LAMA1: variants seen among roughly 807,000 people sequenced by gnomAD.
The protein encoded by LAMA1 is laminin subunit alpha 1, also known as laminin subunit alpha-1.
In LAMA1, 219 loss-of-function variants were observed where a neutral mutation model predicts 348.7. The observed-to-expected ratio is 0.63, with a 90% CI of 0.56 to 0.70. The LOEUF (loss-of-function observed/expected upper bound fraction) is 0.70. Among genes scored for constraint, LAMA1 ranks in the 30% least tolerant of loss-of-function variants. The probability of loss-of-function intolerance (pLI) is 0.00; values close to 1 mark genes in which losing one functional copy is unlikely to be tolerated. For synonymous variants in LAMA1, 1,487 were observed against 1,491.0 expected (o/e 1.00, Z 0.06); for missense variants, 3,744 against 3,888.0 (o/e 0.96, Z 0.99).
intron 3 of LAMA1, among the ~76,000 whole-genome samples, chr18:7,054,292 T>A (rs2058073128): frequency 6.6e-6 from 1 of 152,230 alleles, no homozygotes; most frequent in African/African-American, 2.4e-5. Flanking sequence ...CATAAGGCTC[T>A]GGACACAACT....
intron 1 of LAMA1, 56 bp downstream of exon 1, chr18:7,117,604 G>T: frequency 6.4e-7 from 1 of 1,559,360 alleles, no homozygotes; most frequent in South Asian, 1.1e-5. Flanking sequence ...GTCCGCGGCC[G>T]CCCCCGCCCG....
chr18:7,024,240 C>T (rs1343556030), intron 18 of LAMA1, 140 bp downstream of exon 18: 2 of 665,310 alleles, frequency 3.0e-6, no homozygotes, highest in South Asian at 1.9e-5. Context: ...ACATGAAATA[C>T]TGATTTTTCT....
At chr18:7,110,296 T>C (rs938299328) in intron 1 of LAMA1, among the ~76,000 whole-genome samples, 4 of 151,990 alleles carry the variant, frequency 2.6e-5, no homozygotes, top group African/African-American at 9.7e-5. Context: ...TCAGGAAGTT[T>C]TTCAAGGAAA....
chr18:6,955,531 T>G, intron 56 of LAMA1, 66 bp from the exon 57 acceptor site: 14 of 1,140,560 alleles, frequency 1.2e-5, no homozygotes, highest in East Asian at 4.9e-5. Flanking sequence ...CACACGCGTG[T>G]TCCGCCATGA....
chr18:7,022,694 C>T (rs967434113), intron 19 of LAMA1, among the ~76,000 whole-genome samples: 8 of 152,266 alleles, frequency 5.3e-5, no homozygotes, highest in South Asian at 4.2e-4. Flanking sequence ...CCATAGGGGT[C>T]GGGCAGTTCT....
chr18:7,086,296 G>A (rs929251228), intron 1 of LAMA1, among the ~76,000 whole-genome samples: 9 of 152,212 alleles, frequency 5.9e-5, no homozygotes, highest in Admixed American at 2.0e-4. Context: ...AGATGTTCTA[G>A]AGCAAGAGAA....
intron 1 of LAMA1, among the ~76,000 whole-genome samples, chr18:7,093,410 G>A (rs931808321): frequency 2.0e-5 from 3 of 151,532 alleles, no homozygotes; most frequent in Non-Finnish European, 4.4e-5. Context: ...AGCCAGACTC[G>A]GTCAAAAAAA....
rs2144002106 is a variant in LAMA1, at chr18:6,959,333, G to A, written c.7778+8C>T. The A allele has an allele frequency of 6.2e-7, 1 of 1,614,014 alleles. No individual in the cohort carries two copies. ...TTCATTACACACTGCCTGGCCGCGTGCAAGTACCTCCGATTCCTGACCAAG... is the reference window on the plus strand; with the variant it reads ...TTCATTACACACTGCCTGGCCGCGTACAAGTACCTCCGATTCCTGACCAAG... On this transcript the variant is annotated splice_region_variant and intron_variant, in intron 54 of 62. Coordinates refer to ENST00000389658, the MANE Select transcript of LAMA1 (RefSeq NM_005559.4).
In LAMA1 at chr18:7,117,769, G is replaced by T. The variant is rs1428520950; in HGVS notation, c.-49C>A. 8 of 1,538,482 alleles carry T rather than the reference G, an allele frequency of 5.2e-6. No individual in the cohort carries two copies. The highest frequency in any genetic ancestry group is 1.4e-5 in the African/African-American group (1 of 72,934). ...GGTCTGGGGAGAAAGCCGCGCGCCC[G>T]CCTGGAACGCTCCACGGGACGCGAG... On this transcript the variant is annotated 5_prime_UTR_variant, in exon 1 of 63. Transcript: ENST00000389658.
At chr18:6,979,864 A>AGT (rs2057702485) in intron 42 of LAMA1, among the ~76,000 whole-genome samples, 8 of 152,134 alleles carry the variant, frequency 5.3e-5, no homozygotes, top group Admixed American at 3.9e-4. Context: ...GCGCCACTGC[A>AGT]CTCCAGCCTG....
chr18:7,026,000 G>A lies in LAMA1; in HGVS notation c.2381C>T (p.Pro794Leu), dbSNP rs1297719374. 6.2e-7 allele frequency: 1 copy of A among 1,608,946 alleles called. No individual in the cohort carries two copies. The highest frequency in any genetic ancestry group is 8.5e-7 in the Non-Finnish European group (1 of 1,177,752). Residue 794 changes from proline (P) to leucine (L), a missense_variant, in exon 17 of 63, where the codon CCT becomes CTT. Around this residue, in one of 3 missense-constraint regions of LAMA1, gnomAD observed 1,529 missense variants for 1,689.4 expected, o/e 0.91. Coordinates refer to ENST00000389658, the MANE Select transcript of LAMA1 (RefSeq NM_005559.4). The part of the protein sequence containing the change: ...TPGDCQPCAC[P>L]LTIASNNFSP... Reference sequence around the variant, plus strand: ...TTACTTGTTGGAGGCTATGGTGAGAGGGCAGGCGCAGGGCTGGCAGTCCCC... The same window carrying A: ...TTACTTGTTGGAGGCTATGGTGAGAAGGCAGGCGCAGGGCTGGCAGTCCCC...
At chr18:6,956,551 C>T in intron 56 of LAMA1, 85 bp downstream of exon 56, 1 of 1,595,556 alleles carries the variant, frequency 6.3e-7, no homozygotes, top group Non-Finnish European at 8.6e-7. Flanking sequence ...GGCACCTTTA[C>T]AGCAAGGCCC....
chr18:6,956,777 C>A lies in LAMA1; in HGVS notation c.7965-12G>T, dbSNP rs999473397. On this transcript the variant is annotated splice_polypyrimidine_tract_variant and intron_variant, in intron 55 of 62. Transcript: ENST00000389658. ...TGAAATCCAAAAGTCTAGGTAGAAA[C>A]AAGAGAGTGTTTTCAAAATTAGGAT... 26 of 1,613,934 alleles carry A rather than the reference C, an allele frequency of 1.6e-5. No homozygotes were observed. Among genetic ancestry groups the A allele is most frequent in the Non-Finnish European group, 2.0e-5 (24 of 1,180,002 alleles).
At position 6,956,556 on chromosome 18, in the gene LAMA1, A is replaced by C. The variant is rs767224274; in HGVS notation, c.8094+80T>G. The C allele has an allele frequency of 3.7e-6, 6 of 1,600,700 alleles. No individual in the cohort carries two copies. In the South Asian group the frequency reaches 6.6e-5, roughly 18 times the overall value. ...AGCTTTCGCAGGCACCTTTACAGCA[A>C]GGCCCCATTTTAACTCCCTCTGTCC... On this transcript the variant is annotated intron_variant, in intron 56 of 62. Coordinates refer to ENST00000389658, the MANE Select transcript of LAMA1 (RefSeq NM_005559.4).
intron 39 of LAMA1, 85 bp from the exon 40 acceptor site, chr18:6,983,319 G>C: frequency 2.2e-6 from 3 of 1,387,618 alleles, no homozygotes; most frequent in Non-Finnish European, 3.1e-6. Flanking sequence ...ATGCCTACCA[G>C]TTTTGAAAGC....
Position 6,950,394 on chromosome 18 carries a change from C to T in LAMA1, c.8397+388G>A, listed in dbSNP as rs574178657. On this transcript the variant is annotated intron_variant, in intron 58 of 62. Transcript: ENST00000389658. ...TTTCTGGGCAGTGGACAAGAACAACCCAGCTGGCCGATTACAGGCACAGGT... is the reference window on the plus strand; with the variant it reads ...TTTCTGGGCAGTGGACAAGAACAACTCAGCTGGCCGATTACAGGCACAGGT... 1.9e-4 allele frequency among the ~76,000 whole-genome samples: 29 copies of T among 152,342 alleles called. 1 individual carries two copies. The South Asian group carries it at 6.0e-3, about 32-fold the overall frequency.
chr18:7,112,205 A>T (rs552247329), intron 1 of LAMA1, among the ~76,000 whole-genome samples: 1 of 152,356 alleles, frequency 6.6e-6, no homozygotes, highest in Non-Finnish European at 1.5e-5. Flanking sequence ...TGCTCTAACA[A>T]TACCTTTCTG....
chr18:7,082,852 A>C (rs951778999), intron 1 of LAMA1, among the ~76,000 whole-genome samples: 33 of 152,176 alleles, frequency 2.2e-4, no homozygotes, highest in African/African-American at 8.0e-4. Context: ...TTCTCTATTA[A>C]CAACAAATAC....
chr18:7,098,198 A>G (rs1336955700), intron 1 of LAMA1, among the ~76,000 whole-genome samples: 3 of 151,936 alleles, frequency 2.0e-5, no homozygotes, highest in African/African-American at 4.8e-5. Flanking sequence ...TCGGCTCGCT[A>G]CAACCTCCAC....
Sources: gnomAD v4.1 joint callset for allele counts (sites outside exome capture counted in the v4.1 genomes callset) on GRCh38, gnomAD v4.1.1 for gene constraint, gnomAD v4.1.1 regional missense constraint, MANE v1.5 for transcripts, NCBI Gene and HGNC (gene_info 2026-07-23, HGNC 2026-07-21) for gene names.